Variants in RAPGEF4 observed in about 807,000 individuals in gnomAD.
RAPGEF4 encodes the protein Rap guanine nucleotide exchange factor 4, also known as RAP guanine-nucleotide-exchange factor (GEF) 4.
Under a neutral mutation model 147.9 loss-of-function variants are expected in RAPGEF4, and 66 were observed. That is an observed-to-expected ratio of 0.45 (90% CI 0.37 to 0.55). The LOEUF (loss-of-function observed/expected upper bound fraction) is 0.55, where lower values mean the gene tolerates loss of function less well. RAPGEF4 is among the 20% of genes least tolerant of loss of function. RAPGEF4 has a pLI of 0.00. For synonymous variants in RAPGEF4, 419 were observed against 442.7 expected, an observed-to-expected ratio of 0.95 and a Z score of 0.67; for missense variants, 1,071 against 1,257.3, an observed-to-expected ratio of 0.85 and a Z score of 2.24.
At chr2:172,835,087 G>A (rs550849036) in intron 4 of RAPGEF4, among the ~76,000 whole-genome samples, 43 of 152,260 alleles carry the variant, frequency 2.8e-4, no homozygotes, top group South Asian at 2.3e-3. Flanking sequence ...AGATCAAACT[G>A]CTCTCTTTCC....
intron 4 of RAPGEF4, among the ~76,000 whole-genome samples, chr2:172,851,353 C>T (rs988595787): frequency 6.6e-6 from 1 of 151,836 alleles, no homozygotes; most frequent in Non-Finnish European, 1.5e-5. Flanking sequence ...GTTTTATGGC[C>T]GATTGTGTGG....
At chr2:172,973,257 C>T (rs139556882) in intron 10 of RAPGEF4, among the ~76,000 whole-genome samples, 1,561 of 151,974 alleles carry the variant, frequency 0.01, 28 homozygotes, top group African/African-American at 0.034. Context: ...GAACTACAGG[C>T]GCATGCCACC....
intron 29 of RAPGEF4, among the ~76,000 whole-genome samples, chr2:173,046,327 AT>A (rs1444137427): frequency 6.6e-6 from 1 of 152,240 alleles, no homozygotes; most frequent in Non-Finnish European, 1.5e-5. Context: ...GTCTCAGAGT[AT>A]AGCTTTAAAG....
In RAPGEF4 at chr2:173,033,301, G is replaced by T. The variant is rs577364000; in HGVS notation, c.2650-613G>T. ...TTACAGGCTCTAATGAGAAGCAGCT[G>T]TGTGACTCTGGGCCAGTCATTGAAA... On this transcript the variant is annotated intron_variant, in intron 26 of 30. Coordinates refer to ENST00000397081, the MANE Select transcript of RAPGEF4 (RefSeq NM_007023.4). 5.9e-5 allele frequency among the ~76,000 whole-genome samples: 9 copies of T among 152,298 alleles called. No homozygotes were observed. The East Asian group carries it at 1.7e-3, about 29-fold the overall frequency.
intron 17 of RAPGEF4, among the ~76,000 whole-genome samples, 190 bp from the exon 18 acceptor site, chr2:173,014,274 G>A (rs1695299143): frequency 6.6e-6 from 1 of 152,158 alleles, no homozygotes; most frequent in Admixed American, 6.5e-5. Context: ...GAGTCAGCAG[G>A]AGTAAACAAG....
intron 17 of RAPGEF4, 56 bp downstream of exon 17, chr2:173,001,400 C>A: frequency 6.2e-7 from 1 of 1,606,640 alleles, no homozygotes; most frequent in East Asian, 2.2e-5. Flanking sequence ...CCCCCCCTAT[C>A]GAGGGCCATT....
intron 1 of RAPGEF4, among the ~76,000 whole-genome samples, chr2:172,747,894 A>G (rs1366309733): frequency 6.6e-6 from 1 of 152,224 alleles, no homozygotes; most frequent in Non-Finnish European, 1.5e-5. Flanking sequence ...TTTAGATTCT[A>G]TATGTAAGTA....
chr2:172,933,325 C>T (rs922463666), intron 6 of RAPGEF4, among the ~76,000 whole-genome samples: 2 of 151,622 alleles, frequency 1.3e-5, no homozygotes, highest in African/African-American at 2.4e-5. Flanking sequence ...GGATTAAATA[C>T]GAGGTAAGAG....
At chr2:173,020,820 G>T in intron 23 of RAPGEF4, 105 bp downstream of exon 23, 1 of 812,678 alleles carries the variant, frequency 1.2e-6, no homozygotes. Context: ...ATCTTGAATG[G>T]TACTTAGCTT....
At chr2:172,814,881 T>A (rs1209910599) in intron 4 of RAPGEF4, 6 of 233,186 alleles carry the variant, frequency 2.6e-5, no homozygotes, top group Non-Finnish European at 4.3e-5. Flanking sequence ...ATATGAGAAA[T>A]GGAGGTACAT....
chr2:172,891,413 CCTT>C, intron 4 of RAPGEF4, among the ~76,000 whole-genome samples: 1 of 152,326 alleles, frequency 6.6e-6, no homozygotes, highest in Non-Finnish European at 1.5e-5. Flanking sequence ...TTTTCCTTCT[CCTT>C]CTCCTTTTAA....
At chr2:172,938,220 C>CACACATCTGTAAGT (rs1006071653) in intron 6 of RAPGEF4, among the ~76,000 whole-genome samples, 4 of 146,776 alleles carry the variant, frequency 2.7e-5, no homozygotes, top group African/African-American at 1.1e-4. Flanking sequence ...TAAGTACACA[C>CACACATCTGTAAGT]ACACACACAC....
At chr2:173,043,350 G>A (rs1685000510) in intron 29 of RAPGEF4, among the ~76,000 whole-genome samples, 1 of 152,202 alleles carries the variant, frequency 6.6e-6, no homozygotes, top group African/African-American at 2.4e-5. Flanking sequence ...CAAAACTGTT[G>A]AGGGCAGGCA....
At chr2:172,818,315 T>TC (rs1208167251) in intron 4 of RAPGEF4, among the ~76,000 whole-genome samples, 5 of 151,756 alleles carry the variant, frequency 3.3e-5, no homozygotes, top group Non-Finnish European at 7.4e-5. Context: ...TGCCACCCAT[T>TC]CCCCAAAAAC....
chr2:172,965,837 G>A (rs57956577), intron 9 of RAPGEF4, among the ~76,000 whole-genome samples, 154 bp downstream of exon 9: 117 of 152,368 alleles, frequency 7.7e-4, no homozygotes, highest in African/African-American at 2.6e-3. Context: ...TACAAATGCA[G>A]CAAGTAGATG....
chr2:173,044,367 G>A (rs944408235), intron 29 of RAPGEF4, among the ~76,000 whole-genome samples: 2 of 152,296 alleles, frequency 1.3e-5, no homozygotes, highest in East Asian at 3.9e-4. Flanking sequence ...CAGCAGGGTG[G>A]TGACCAAGGC....
At chr2:172,959,942 G>A (rs1037540823) in intron 6 of RAPGEF4, among the ~76,000 whole-genome samples, 3 of 152,082 alleles carry the variant, frequency 2.0e-5, no homozygotes, top group Non-Finnish European at 2.9e-5. Context: ...AAAATTAACC[G>A]GGTATGGTGG....
At chr2:172,927,838 G>T (rs1314770445) in intron 6 of RAPGEF4, among the ~76,000 whole-genome samples, 1 of 152,182 alleles carries the variant, frequency 6.6e-6, no homozygotes, top group African/African-American at 2.4e-5. Flanking sequence ...TAGCAGTTGT[G>T]TCCCTCTGCT....
intron 26 of RAPGEF4, among the ~76,000 whole-genome samples, chr2:173,031,502 A>G (rs1156345475): frequency 6.6e-6 from 1 of 152,172 alleles, no homozygotes; most frequent in African/African-American, 2.4e-5. Flanking sequence ...TCCCCCTGCC[A>G]CAGAGTCCAA....
Sources: allele counts gnomAD v4.1 joint callset (sites outside exome capture counted in the v4.1 genomes callset), GRCh38; gene constraint gnomAD v4.1.1; transcripts MANE v1.5; gene names NCBI Gene and HGNC (gene_info 2026-07-23, HGNC 2026-07-21).